ZFAND3: variants seen among roughly 807,000 people sequenced by gnomAD.
The protein encoded by ZFAND3 is AN1-type zinc finger protein 3.
ZFAND3 carries 10 observed loss-of-function variants against 29.6 expected under a neutral mutation model. The observed-to-expected ratio is 0.34, with a 90% CI of 0.21 to 0.57. ZFAND3 has a LOEUF of 0.57. Among genes scored for constraint, ZFAND3 ranks in the 20% least tolerant of loss-of-function variants. The pLI is 0.86. For missense variants in ZFAND3, 230 were observed against 304.5 expected (o/e 0.76, Z 1.82); for synonymous variants, 128 against 112.6 (o/e 1.14, Z -0.87).
intron 3 of ZFAND3, among the ~76,000 whole-genome samples, chr6:38,080,003 A>G (rs1217730587): frequency 6.6e-6 from 1 of 151,792 alleles, no homozygotes; most frequent in Non-Finnish European, 1.5e-5. Flanking sequence ...TATACACATC[A>G]TTCTAATATT....
chr6:37,840,652 C>T (rs931264043), intron 1 of ZFAND3, among the ~76,000 whole-genome samples: 2 of 152,198 alleles, frequency 1.3e-5, no homozygotes, highest in South Asian at 4.1e-4. Flanking sequence ...CATTGCATCT[C>T]CAGATGAATT....
Position 37,864,201 on chromosome 6 carries a change from T to C in ZFAND3, c.71+44185T>C, listed in dbSNP as rs763547469. ...CTCTCTGTATTACCGAGGACCAGGA[T>C]AGAGACTCTTACTGTTTCTGACCTG... On this transcript the variant is annotated intron_variant, in intron 1 of 5. Transcript: ENST00000287218. Among the ~76,000 whole-genome samples the C allele has an allele frequency of 6.1e-4, 93 of 152,324 alleles. No homozygotes were observed. The Middle Eastern group carries it at 0.014, about 22-fold the overall frequency.
intron 1 of ZFAND3, among the ~76,000 whole-genome samples, chr6:37,900,569 CTT>C (rs1228925968): frequency 5.9e-5 from 9 of 152,026 alleles, no homozygotes; most frequent in African/African-American, 1.9e-4. Flanking sequence ...TTTTTCCCCT[CTT>C]TTTGGAAAAG....
intron 1 of ZFAND3, among the ~76,000 whole-genome samples, chr6:37,896,151 C>A (rs1223818360): frequency 6.6e-6 from 1 of 152,108 alleles, no homozygotes; most frequent in Non-Finnish European, 1.5e-5. Flanking sequence ...GTTTGATGTT[C>A]CATTTTGGCT....
chr6:37,963,978 GT>G (rs1762246922), intron 2 of ZFAND3, among the ~76,000 whole-genome samples: 1 of 152,102 alleles, frequency 6.6e-6, no homozygotes, highest in African/African-American at 2.4e-5. Flanking sequence ...ATTGTCAACT[GT>G]TTTTGGCTTG....
At chr6:38,083,066 T>TAA (rs1444931300) in intron 4 of ZFAND3, among the ~76,000 whole-genome samples, 2 of 152,206 alleles carry the variant, frequency 1.3e-5, no homozygotes, top group African/African-American at 4.8e-5. Flanking sequence ...ATTTGCCTTT[T>TAA]CTAATAATGC....
chr6:37,970,794 A>G (rs1462847183), intron 2 of ZFAND3, among the ~76,000 whole-genome samples: 2 of 152,150 alleles, frequency 1.3e-5, no homozygotes, highest in Non-Finnish European at 2.9e-5. Context: ...AGTCCCAGCT[A>G]CTTGGGAGGC....
chr6:38,077,783 T>C (rs1390974526), intron 3 of ZFAND3, among the ~76,000 whole-genome samples: 1 of 152,246 alleles, frequency 6.6e-6, no homozygotes, highest in Admixed American at 6.5e-5. Context: ...TTTCTGTATT[T>C]ACTCAGCTGT....
chr6:37,999,898 G>T (rs892764222), intron 2 of ZFAND3, among the ~76,000 whole-genome samples: 2 of 152,120 alleles, frequency 1.3e-5, no homozygotes, highest in African/African-American at 4.8e-5. Flanking sequence ...ACTAGTGTAA[G>T]ATATTAATGA....
intron 2 of ZFAND3, among the ~76,000 whole-genome samples, chr6:38,031,841 C>T (rs528623298): frequency 2.0e-5 from 3 of 150,844 alleles, no homozygotes; most frequent in South Asian, 2.1e-4. Context: ...CCTCCCCCCC[C>T]GCCCCACGCT....
At chr6:37,976,994 T>C (rs1422200433) in intron 2 of ZFAND3, among the ~76,000 whole-genome samples, 2 of 152,216 alleles carry the variant, frequency 1.3e-5, no homozygotes, top group Admixed American at 6.5e-5. Context: ...CTCTCCACTT[T>C]AGATACCTTT....
chr6:37,963,749 C>T (rs1762242524), intron 2 of ZFAND3, among the ~76,000 whole-genome samples: 1 of 152,134 alleles, frequency 6.6e-6, no homozygotes, highest in African/African-American at 2.4e-5. Flanking sequence ...TGACTTTCTG[C>T]TGTTTTTCCT....
intron 4 of ZFAND3, among the ~76,000 whole-genome samples, chr6:38,113,745 A>G (rs971564025): frequency 3.3e-5 from 5 of 152,230 alleles, no homozygotes; most frequent in Admixed American, 6.5e-5. Context: ...ATTTGGACAT[A>G]GTTACCTTAT....
intron 2 of ZFAND3, among the ~76,000 whole-genome samples, chr6:37,948,135 A>G (rs778743369): frequency 6.6e-6 from 1 of 152,210 alleles, no homozygotes; most frequent in Non-Finnish European, 1.5e-5. Flanking sequence ...ACAGTGTTCA[A>G]GTTTCCATGT....
chr6:37,993,864 T>G (rs912918126), intron 2 of ZFAND3, among the ~76,000 whole-genome samples: 2 of 152,208 alleles, frequency 1.3e-5, no homozygotes, highest in Non-Finnish European at 2.9e-5. Context: ...TATTTTTGTT[T>G]TGTTTATTTA....
At chr6:38,046,562 G>C (rs1763908335) in intron 2 of ZFAND3, among the ~76,000 whole-genome samples, 1 of 152,112 alleles carries the variant, frequency 6.6e-6, no homozygotes, top group Admixed American at 6.5e-5. Flanking sequence ...TCCTAAGAAG[G>C]GCTTTGTAAT....
At chr6:37,982,546 G>A (rs1430929785) in intron 2 of ZFAND3, among the ~76,000 whole-genome samples, 1 of 152,044 alleles carries the variant, frequency 6.6e-6, no homozygotes, top group Non-Finnish European at 1.5e-5. Flanking sequence ...CTAGTGACGT[G>A]GTAGCCATCC....
At chr6:37,870,316 A>C (rs1202139400) in intron 1 of ZFAND3, among the ~76,000 whole-genome samples, 1 of 150,156 alleles carries the variant, frequency 6.7e-6, no homozygotes, top group Non-Finnish European at 1.5e-5. Flanking sequence ...AAAAAAAAAA[A>C]AAAGGGCGGG....
At position 38,152,539 on chromosome 6, in the gene ZFAND3, GT is replaced by G; in HGVS notation, c.*153del. The G allele has an allele frequency of 7.5e-7, 1 of 1,327,448 alleles. No individual in the cohort carries two copies. Among genetic ancestry groups the G allele is most frequent in the Non-Finnish European group, 9.6e-7 (1 of 1,039,198 alleles). The allele number at this position is 1,327,448 out of a possible 1,614,324, so 82.2% of individuals were successfully genotyped here. On this transcript the variant is annotated 3_prime_UTR_variant, in exon 6 of 6. Transcript: ENST00000287218. ...TTTAGCCAGCCATCCTGGTACTGTA[GT>G]TTAGGGGTTGATGGTGGTTGAAATT...
Sources: allele counts gnomAD v4.1 joint callset (sites outside exome capture counted in the v4.1 genomes callset), GRCh38; gene constraint gnomAD v4.1.1; transcripts MANE v1.5; gene names NCBI Gene and HGNC (gene_info 2026-07-23, HGNC 2026-07-21).